Variants in HIBCH observed in about 807,000 individuals in gnomAD.
HIBCH encodes 3-hydroxyisobutyryl-CoA hydrolase, mitochondrial.
Under a neutral mutation model 58.2 loss-of-function variants are expected in HIBCH, and 50 were observed. That is an observed-to-expected ratio of 0.86 (90% CI 0.68 to 1.09). The LOEUF (loss-of-function observed/expected upper bound fraction) is 1.09. Ranked by LOEUF, HIBCH falls within the 50% of genes least tolerant of loss-of-function variation. The pLI, the probability that HIBCH is intolerant of heterozygous loss-of-function variation, is 0.00. For missense variants in HIBCH, 450 were observed against 449.7 expected (o/e 1.00, Z -0.01); for synonymous variants, 151 against 146.9 (o/e 1.03, Z -0.20).
At chr2:190,261,374 G>T in intron 6 of HIBCH, 140 bp from the exon 7 acceptor site, 1 of 657,866 alleles carries the variant, frequency 1.5e-6, no homozygotes, top group Non-Finnish European at 2.7e-6. Context: ...GGAATAGGTT[G>T]TCCCCACCTC....
chr2:190,311,550 T>C (rs1688559158), intron 1 of HIBCH, among the ~76,000 whole-genome samples: 2 of 152,184 alleles, frequency 1.3e-5, no homozygotes, highest in South Asian at 4.1e-4. Context: ...GTAAACAGTC[T>C]GGAAATACAA....
intron 6 of HIBCH, among the ~76,000 whole-genome samples, chr2:190,264,262 CT>C (rs35984495): frequency 0.28 from 41,901 of 151,018 alleles, 6,303 homozygotes; most frequent in East Asian, 0.45. Context: ...GCCACACGGG[CT>C]TTCTTTCTTT....
chr2:190,311,152 T>C, intron 1 of HIBCH: 1 of 413,716 alleles, frequency 2.4e-6, no homozygotes, highest in Non-Finnish European at 4.6e-6. Flanking sequence ...CTTAAATGCA[T>C]ACATACTACT....
chr2:190,199,933 G>A (rs759533350), downstream of HIBCH: 7 of 1,614,000 alleles, frequency 4.3e-6, no homozygotes, highest in Admixed American at 6.7e-5. Flanking sequence ...GCATGAGAGT[G>A]AAGAACCCTT....
At chr2:190,269,998 A>G (rs1687344749) in intron 6 of HIBCH, among the ~76,000 whole-genome samples, 2 of 152,090 alleles carry the variant, frequency 1.3e-5, no homozygotes, top group South Asian at 2.1e-4. Flanking sequence ...GTATGTTCTC[A>G]TAAGTGGGAG....
chr2:190,198,658 T>C (rs949560910), intron 1 of HIBCH, among the ~76,000 whole-genome samples: 1 of 133,536 alleles, frequency 7.5e-6, no homozygotes, highest in African/African-American at 2.8e-5. Flanking sequence ...AAAAAAAAGG[T>C]GTTTTCAGAA....
intron 11 of HIBCH, among the ~76,000 whole-genome samples, chr2:190,225,253 A>G (rs2105913789): frequency 6.6e-6 from 1 of 152,362 alleles, no homozygotes; most frequent in South Asian, 2.1e-4. Flanking sequence ...ACCAGAAGGC[A>G]AGAAATAACT....
At chr2:190,250,733 T>C (rs1686739073) in intron 8 of HIBCH, among the ~76,000 whole-genome samples, 1 of 152,210 alleles carries the variant, frequency 6.6e-6, no homozygotes, top group Non-Finnish European at 1.5e-5. Context: ...AAGGCCTTCA[T>C]AACAGTTTAC....
chr2:190,256,822 T>C (rs1686937664), intron 7 of HIBCH, among the ~76,000 whole-genome samples: 1 of 152,054 alleles, frequency 6.6e-6, no homozygotes, highest in South Asian at 2.1e-4. Context: ...AAAACTGAAA[T>C]GAATGTATAA....
intron 11 of HIBCH, among the ~76,000 whole-genome samples, chr2:190,222,421 G>GA (rs930196020): frequency 1.8e-3 from 252 of 137,090 alleles, no homozygotes; most frequent in Middle Eastern, 3.9e-3. Flanking sequence ...CAAAAAGGAG[G>GA]AAAAAAAAAA....
At chr2:190,314,038 TAGGTTCA>T (rs1276303613) in intron 1 of HIBCH, among the ~76,000 whole-genome samples, 2 of 151,968 alleles carry the variant, frequency 1.3e-5, no homozygotes, top group African/African-American at 4.8e-5. Context: ...TACCCAAATG[TAGGTTCA>T]AGGTTCAAGA....
chr2:190,249,799 T>C (rs1243640000), intron 8 of HIBCH, 73 bp from the exon 9 acceptor site: 2 of 963,576 alleles, frequency 2.1e-6, no homozygotes, highest in Non-Finnish European at 3.3e-6. Flanking sequence ...AAAAATCTCA[T>C]CTTCTTTTTT....
chr2:190,274,376 T>G (rs1488736052), intron 6 of HIBCH, among the ~76,000 whole-genome samples: 2 of 152,184 alleles, frequency 1.3e-5, no homozygotes, highest in Admixed American at 1.3e-4. Flanking sequence ...ATAATCTGAT[T>G]CAGTAGTTCC....
chr2:190,200,229 T>G, downstream of HIBCH: 1 of 1,081,416 alleles, frequency 9.2e-7, no homozygotes, highest in Admixed American at 2.0e-5. Flanking sequence ...TGTGAAAAAG[T>G]ACAAATAACT....
At chr2:190,222,302 A>G (rs1443065302) in intron 11 of HIBCH, among the ~76,000 whole-genome samples, 1 of 152,194 alleles carries the variant, frequency 6.6e-6, no homozygotes, top group Non-Finnish European at 1.5e-5. Flanking sequence ...ACGGCCGGCT[A>G]GTCCTAGCAC....
chr2:190,234,012 C>A (rs1686188392), intron 11 of HIBCH, among the ~76,000 whole-genome samples: 2 of 152,072 alleles, frequency 1.3e-5, no homozygotes, highest in African/African-American at 4.8e-5. Flanking sequence ...GCAAAATTAG[C>A]CAGGAGTGGT....
intron 6 of HIBCH, among the ~76,000 whole-genome samples, chr2:190,276,707 A>G (rs1301527816): frequency 6.6e-6 from 1 of 152,176 alleles, no homozygotes; most frequent in Non-Finnish European, 1.5e-5. Flanking sequence ...TGCTAGTGCC[A>G]TGGTTCTTGC....
At chr2:190,313,821 C>T (rs902813153) in intron 1 of HIBCH, among the ~76,000 whole-genome samples, 1 of 152,084 alleles carries the variant, frequency 6.6e-6, no homozygotes, top group African/African-American at 2.4e-5. Flanking sequence ...TCAACACTAA[C>T]ACTTTATAAT....
chr2:190,261,310 A>G, intron 6 of HIBCH, 76 bp from the exon 7 acceptor site: 2 of 1,018,442 alleles, frequency 2.0e-6, no homozygotes, highest in Non-Finnish European at 3.1e-6. Context: ...TCACACACTT[A>G]CAAAATTACA....
Sources: gnomAD v4.1 joint callset for allele counts (sites outside exome capture counted in the v4.1 genomes callset) on GRCh38, gnomAD v4.1.1 for gene constraint, MANE v1.5 for transcripts, NCBI Gene and HGNC (gene_info 2026-07-23, HGNC 2026-07-21) for gene names.